Variants in ZNF382 observed in about 807,000 individuals in gnomAD.
The protein encoded by ZNF382 is KRAB/zinc finger suppressor protein 1.
ZNF382 carries 20 observed loss-of-function variants against 38.8 expected under a neutral mutation model. That is an observed-to-expected ratio of 0.51 (90% confidence interval 0.36 to 0.75). ZNF382 has a LOEUF of 0.75. Among genes scored for constraint, ZNF382 ranks in the 30% least tolerant of loss-of-function variants. The pLI is 0.00. For synonymous variants in ZNF382, 202 were observed against 223.1 expected (o/e 0.91, Z 0.84); for missense variants, 546 against 654.1 (o/e 0.83, Z 1.80).
In ZNF382 at chr19:36,627,424, C is replaced by T; in HGVS notation, c.1527C>T (p.Arg509=). 1 of 1,613,730 alleles carries T rather than the reference C, an allele frequency of 6.2e-7. No homozygotes were observed. Among genetic ancestry groups the T allele is most frequent in the Non-Finnish European group, 8.5e-7 (1 of 1,179,920 alleles). ...KAFSRKSNLI[R]HQKTHTGEKP... ...TCAGTAGGAAATCAAACCTCATTCG[C>T]CATCAGAAAACTCACACAGGCGAGA... The change falls in exon 5 of 5, where the codon CGC becomes CGT. Residue 509 remains arginine (R), a synonymous_variant. Transcript: ENST00000292928.
At position 36,615,630 on chromosome 19, in the gene ZNF382, G is replaced by T. The variant is rs992987392; in HGVS notation, c.232+4888G>T. Among the ~76,000 whole-genome samples, 23 of 152,232 alleles carry T rather than the reference G, an allele frequency of 1.5e-4. 1 individual carries two copies. The highest frequency in any genetic ancestry group is 3.4e-3 in the Middle Eastern group (1 of 294). The stretch of plus-strand genomic sequence containing the variant: ...CTCTCAAGTCATTTCCTTGTTAACT[G>T]TTTTTATAGCACATACAAGTAAAAG... On this transcript the variant is annotated intron_variant, in intron 4 of 4. Transcript: ENST00000292928.
At chr19:36,610,104 TC>T (rs2037065310) in intron 3 of ZNF382, 51 bp downstream of exon 3, 2 of 1,595,788 alleles carry the variant, frequency 1.3e-6, no homozygotes, top group African/African-American at 2.7e-5. Context: ...TTCTAAGAAT[TC>T]CTGAAACATA....
intron 1 of ZNF382, among the ~76,000 whole-genome samples, chr19:36,606,052 A>G (rs2037020767): frequency 6.6e-6 from 1 of 152,064 alleles, no homozygotes; most frequent in Non-Finnish European, 1.5e-5. Flanking sequence ...GGCCTTAGTG[A>G]CCTAAATATT....
intron 4 of ZNF382, 143 bp from the exon 5 acceptor site, chr19:36,625,986 AC>A (rs1393498997): frequency 2.5e-5 from 13 of 515,288 alleles, no homozygotes; most frequent in Non-Finnish European, 4.2e-5. Context: ...TTATGTTTAT[AC>A]ATTTTCCCTA....
chr19:36,625,252 T>C (rs1324427982), intron 4 of ZNF382, among the ~76,000 whole-genome samples: 2 of 151,290 alleles, frequency 1.3e-5, no homozygotes, highest in Non-Finnish European at 2.9e-5. Context: ...AAATTACGGT[T>C]ATATGGACAT....
chr19:36,612,588 T>C (rs988513900), intron 4 of ZNF382, among the ~76,000 whole-genome samples: 3 of 152,234 alleles, frequency 2.0e-5, no homozygotes, highest in African/African-American at 7.2e-5. Context: ...TCATCAGCAC[T>C]GTATGAGAAT....
At position 36,626,595 on chromosome 19, in the gene ZNF382, C is replaced by T. The variant is rs1180493620; in HGVS notation, c.698C>T (p.Ala233Val). Reference protein sequence around the residue: ...MKGMLFTHTRAHRGERTFEYN... With the variant: ...MKGMLFTHTRVHRGERTFEYN... Reference sequence around the variant, plus strand: ...GGAATGCTATTTACACATACTAGAGCTCACAGAGGAGAAAGAACCTTTGAA... The same window carrying T: ...GGAATGCTATTTACACATACTAGAGTTCACAGAGGAGAAAGAACCTTTGAA... Residue 233 changes from alanine to valine, a missense_variant, in exon 5 of 5, where the codon GCT becomes GTT. Transcript: ENST00000292928. The T allele has an allele frequency of 3.2e-5, 52 of 1,613,984 alleles. No homozygotes were observed. The highest frequency in any genetic ancestry group is 4.2e-5 in the Non-Finnish European group (50 of 1,180,028).
intron 4 of ZNF382, among the ~76,000 whole-genome samples, chr19:36,625,851 G>T (rs567702483): frequency 2.0e-5 from 3 of 152,130 alleles, no homozygotes; most frequent in Non-Finnish European, 4.4e-5. Context: ...GAGCCACTGC[G>T]CCCGGCCATC....
chr19:36,632,622 A>G lies in ZNF382; in HGVS notation c.*5072A>G, dbSNP rs2037260723. 6.6e-6 allele frequency: 1 copy of G among 152,236 alleles called. No individual in the cohort carries two copies. 9.4% of individuals were successfully genotyped at this position (152,236 alleles called of 1,614,324 possible). On this transcript the variant is annotated 3_prime_UTR_variant, in exon 5 of 5. Transcript: ENST00000292928. ...ATTGGCTCTGGGAGTCTCCCAGGGAATATCAGACTTTAACTAGTACCTTGT... is the reference window on the plus strand; with the variant it reads ...ATTGGCTCTGGGAGTCTCCCAGGGAGTATCAGACTTTAACTAGTACCTTGT...
At chr19:36,625,883 C>T (rs550286236) in intron 4 of ZNF382, among the ~76,000 whole-genome samples, 1 of 152,270 alleles carries the variant, frequency 6.6e-6, no homozygotes, top group South Asian at 2.1e-4. Context: ...TATACCTTCT[C>T]AGTGCAGCTT....
intron 1 of ZNF382, among the ~76,000 whole-genome samples, chr19:36,606,732 A>T (rs2037032064): frequency 1.3e-5 from 2 of 151,902 alleles, no homozygotes; most frequent in African/African-American, 4.8e-5. Context: ...AAGATAATAA[A>T]AAGTATTTGA....
intron 4 of ZNF382, among the ~76,000 whole-genome samples, chr19:36,621,324 G>GTTTTTTTTTT (rs10557413): frequency 2.9e-5 from 3 of 104,466 alleles, no homozygotes; most frequent in Non-Finnish European, 5.6e-5. Flanking sequence ...TTTTTCCCTA[G>GTTTTTTTTTT]TTTTTTTTTT....
rs1388124651 is a variant in ZNF382, at chr19:36,629,695, G to A, written c.*2145G>A. On this transcript the variant is annotated 3_prime_UTR_variant, in exon 5 of 5. Coordinates refer to ENST00000292928, the MANE Select transcript of ZNF382 (RefSeq NM_032825.5). ...CTCATTTCTGTAATCCCAGCACTTT[G>A]GGAGGTGTTGGGAGGATCACTTGAG... The A allele has an allele frequency of 6.6e-6, 1 of 152,086 alleles. No individual in the cohort carries two copies. The highest frequency in any genetic ancestry group is 1.5e-5 in the Non-Finnish European group (1 of 68,022). 9.4% of individuals were successfully genotyped at this position (152,086 alleles called of 1,614,324 possible).
In ZNF382 at chr19:36,610,649, G is replaced by C; in HGVS notation, c.140-1G>C. On this transcript the variant is annotated splice_acceptor_variant, in intron 3 of 4. Transcript: ENST00000292928. LOFTEE classifies it high-confidence loss of function. Reference sequence around the variant, plus strand: ...CCAAAAGTCTCATTTTCCATCATCAGGGTTTCACATGGCTAAGCCTGATAT... The same window carrying C: ...CCAAAAGTCTCATTTTCCATCATCACGGTTTCACATGGCTAAGCCTGATAT... 1 of 1,608,094 alleles carries C rather than the reference G, an allele frequency of 6.2e-7. No individual in the cohort carries two copies. The highest frequency in any genetic ancestry group is 8.5e-7 in the Non-Finnish European group (1 of 1,177,866).
chr19:36,605,681 G>T (rs1205543005), intron 1 of ZNF382: 5 of 152,210 alleles, frequency 3.3e-5, no homozygotes, highest in Non-Finnish European at 7.3e-5. Context: ...GCGCGCGCGG[G>T]CGCGCGCTGA....
chr19:36,615,336 A>C (rs920624692), intron 4 of ZNF382, among the ~76,000 whole-genome samples: 1 of 152,154 alleles, frequency 6.6e-6, no homozygotes. Context: ...ACCATTAGTA[A>C]CCTTTTAACA....
Position 36,626,457 on chromosome 19 carries a change from A to G in ZNF382, c.560A>G (p.Lys187Arg), listed in dbSNP as rs758252064. 4 of 1,604,876 alleles carry G rather than the reference A, an allele frequency of 2.5e-6. No homozygotes were observed. In the East Asian group the frequency reaches 8.9e-5, roughly 36 times the overall value. The change falls in exon 5 of 5, where the codon AAA becomes AGA. Residue 187 changes from lysine (K) to arginine (R), a missense_variant. By Grantham distance (26) the Lys-to-Arg change is conservative. Coordinates refer to ENST00000292928, the MANE Select transcript of ZNF382 (RefSeq NM_032825.5). ...ATTCATCCTGCAGTGAATCTCCATA[A>G]ACAAACAGAAAGAGTTCTCAGTGGT... ...EKIHPAVNLH[K>R]QTERVLSGKQ...
At chr19:36,619,722 TAA>T (rs2037153636) in intron 4 of ZNF382, among the ~76,000 whole-genome samples, 1 of 144,102 alleles carries the variant, frequency 6.9e-6, no homozygotes, top group African/African-American at 2.5e-5. Flanking sequence ...ATTCAGAAAT[TAA>T]AAGAGTTTTT....
intron 4 of ZNF382, among the ~76,000 whole-genome samples, chr19:36,623,674 G>A (rs994905336): frequency 6.6e-6 from 1 of 151,796 alleles, no homozygotes; most frequent in Admixed American, 6.6e-5. Context: ...CACACCTGTA[G>A]TCCCAGCTAC....
Sources: allele counts gnomAD v4.1 joint callset (sites outside exome capture counted in the v4.1 genomes callset), GRCh38; gene constraint gnomAD v4.1.1; transcripts MANE v1.5; gene names NCBI Gene and HGNC (gene_info 2026-07-23, HGNC 2026-07-21).